The following BRD10 variants were observed in gnomAD, a reference collection of about 807,000 sequenced individuals.
The protein encoded by BRD10 is bromodomain containing 10, also known as uncharacterized bromodomain-containing protein 10.
At chr9:5,925,927 C>T in the BRD10 span, among the ~76,000 whole-genome samples, 1 of 151,968 alleles carries the variant, frequency 6.6e-6, no homozygotes, top group Non-Finnish European at 1.5e-5. Context: ...TTCCTTCTTC[C>T]TTTCCTTTCC....
At chr9:5,967,972 T>A in the BRD10 span, 1 of 1,227,494 alleles carries the variant, frequency 8.1e-7, no homozygotes, top group South Asian at 1.6e-5. Context: ...GAAAAAACAA[T>A]TTGAATTATA....
the BRD10 span, among the ~76,000 whole-genome samples, chr9:5,917,904 G>C: frequency 6.6e-6 from 1 of 152,212 alleles, no homozygotes; most frequent in African/African-American, 2.4e-5. Context: ...TGGGATTAAA[G>C]TTGGGCCATA....
the BRD10 span, among the ~76,000 whole-genome samples, chr9:5,915,916 T>TA: frequency 4.6e-5 from 7 of 152,116 alleles, no homozygotes; most frequent in South Asian, 2.1e-4. Flanking sequence ...GCATCATTCT[T>TA]AAAGTAATTA....
At chr9:5,921,418 T>C in the BRD10 span, 3 of 1,613,994 alleles carry the variant, frequency 1.9e-6, no homozygotes, top group Non-Finnish European at 2.5e-6. Flanking sequence ...TTTGTTTTAA[T>C]GATTCTGCAA....
chr9:5,945,914 C>T, the BRD10 span, among the ~76,000 whole-genome samples: 1 of 151,930 alleles, frequency 6.6e-6, no homozygotes, highest in Admixed American at 6.6e-5. Flanking sequence ...TAAAAAAAAA[C>T]TGTACTTATA....
chr9:5,901,578 G>A, the BRD10 span, among the ~76,000 whole-genome samples: 3 of 151,990 alleles, frequency 2.0e-5, no homozygotes, highest in Non-Finnish European at 2.9e-5. Flanking sequence ...GAGTGCAGTG[G>A]CTCAATCTCA....
chr9:5,902,479 T>C, the BRD10 span, among the ~76,000 whole-genome samples: 3 of 151,814 alleles, frequency 2.0e-5, no homozygotes, highest in Non-Finnish European at 4.4e-5. Context: ...CTTTTTTTTT[T>C]CTAGAGACAG....
the BRD10 span, among the ~76,000 whole-genome samples, chr9:5,900,757 T>G: frequency 6.6e-6 from 1 of 152,244 alleles, no homozygotes; most frequent in Non-Finnish European, 1.5e-5. Context: ...AAAGGCTGCT[T>G]TTTGTAGCAA....
chr9:5,979,317 C>T, the BRD10 span, among the ~76,000 whole-genome samples: 3 of 152,158 alleles, frequency 2.0e-5, no homozygotes, highest in Admixed American at 1.3e-4. Flanking sequence ...AGTTCGAGAC[C>T]AGCCTGGGAA....
chr9:5,885,744 G>A, the BRD10 span, among the ~76,000 whole-genome samples: 3 of 152,236 alleles, frequency 2.0e-5, no homozygotes, highest in South Asian at 2.1e-4. Flanking sequence ...AGATGAAGAC[G>A]GAATAGCTCA....
At chr9:5,982,189 T>A in the BRD10 span, among the ~76,000 whole-genome samples, 42 of 152,260 alleles carry the variant, frequency 2.8e-4, no homozygotes, top group African/African-American at 1.0e-3. Flanking sequence ...CCACTTTTTG[T>A]GGTCATGATG....
chr9:5,907,968 A>T, the BRD10 span, among the ~76,000 whole-genome samples: 1 of 152,178 alleles, frequency 6.6e-6, no homozygotes, highest in African/African-American at 2.4e-5. Context: ...ATAAATAAAT[A>T]AAATAAAATT....
At chr9:5,942,968 C>G in the BRD10 span, among the ~76,000 whole-genome samples, 1 of 152,144 alleles carries the variant, frequency 6.6e-6, no homozygotes, top group Non-Finnish European at 1.5e-5. Flanking sequence ...GCCTCGACCT[C>G]CTGGGCACAA....
the BRD10 span, among the ~76,000 whole-genome samples, chr9:5,988,754 T>TA: frequency 0.012 from 1,759 of 147,232 alleles, 32 homozygotes; most frequent in African/African-American, 0.04. Context: ...TTCCCTGCAT[T>TA]AAAAAAAAAA....
the BRD10 span, chr9:5,968,360 C>A: frequency 1.9e-6 from 3 of 1,610,684 alleles, no homozygotes; most frequent in Admixed American, 1.7e-5. Context: ...AATCTTTATT[C>A]TGGAAGCTTC....
the BRD10 span, among the ~76,000 whole-genome samples, chr9:5,938,366 C>G: frequency 6.6e-6 from 1 of 152,112 alleles, no homozygotes; most frequent in African/African-American, 2.4e-5. Flanking sequence ...CACTTAAGCC[C>G]AGAAGGTCAA....
the BRD10 span, among the ~76,000 whole-genome samples, chr9:5,911,943 A>G: frequency 6.6e-6 from 1 of 152,090 alleles, no homozygotes; most frequent in African/African-American, 2.4e-5. Flanking sequence ...TGTTACTTTG[A>G]TAGGGATTGC....
chr9:5,926,679 C>T, the BRD10 span, among the ~76,000 whole-genome samples: 1 of 151,948 alleles, frequency 6.6e-6, no homozygotes, highest in African/African-American at 2.4e-5. Context: ...CTACAGGTGC[C>T]CGCCACCACA....
the BRD10 span, among the ~76,000 whole-genome samples, chr9:5,901,001 G>T: frequency 2.6e-5 from 4 of 152,086 alleles, no homozygotes; most frequent in Non-Finnish European, 5.9e-5. Flanking sequence ...CAGATTCTGG[G>T]ATCATCTCTG....
Sources: gnomAD v4.1 joint callset for allele counts (sites outside exome capture counted in the v4.1 genomes callset) on GRCh38, gnomAD v4.1.1 for gene constraint, MANE v1.5 for transcripts, NCBI Gene and HGNC (gene_info 2026-07-23, HGNC 2026-07-21) for gene names.